The following RNGTT variants were observed in gnomAD, a reference collection of about 807,000 sequenced individuals.
RNGTT encodes the protein mRNA-capping enzyme.
Under a neutral mutation model 79.3 loss-of-function variants are expected in RNGTT, and 33 were observed. The ratio of observed to expected loss-of-function variants is 0.42; its 90% CI spans 0.32 to 0.56. The LOEUF (loss-of-function observed/expected upper bound fraction) is 0.56, where lower values mean the gene tolerates loss of function less well. Among genes scored for constraint, RNGTT ranks in the 20% least tolerant of loss-of-function variants. The probability of loss-of-function intolerance (pLI) is 0.17; values close to 1 mark genes in which losing one functional copy is unlikely to be tolerated. For missense variants in RNGTT, 497 were observed against 739.1 expected, an observed-to-expected ratio of 0.67 and a Z score of 3.80; for synonymous variants, 222 against 235.9, an observed-to-expected ratio of 0.94 and a Z score of 0.54.
At chr6:88,829,438 C>A (rs1780778544) in intron 11 of RNGTT, among the ~76,000 whole-genome samples, 1 of 152,066 alleles carries the variant, frequency 6.6e-6, no homozygotes, top group South Asian at 2.1e-4. Context: ...ATTGTAAAGA[C>A]CATCGACACT....
At chr6:88,654,919 A>C (rs534538699) in intron 14 of RNGTT, among the ~76,000 whole-genome samples, 34 of 152,380 alleles carry the variant, frequency 2.2e-4, no homozygotes, top group African/African-American at 7.2e-4. Context: ...CTCACATTAC[A>C]TGTATATAAA....
At chr6:88,851,912 G>A (rs933866683) in intron 9 of RNGTT, among the ~76,000 whole-genome samples, 1 of 151,628 alleles carries the variant, frequency 6.6e-6, no homozygotes, top group Admixed American at 6.6e-5. Context: ...CCAAGTTTGA[G>A]GTGAAATAAA....
At chr6:88,767,704 A>AC (rs1562242179) in intron 13 of RNGTT, among the ~76,000 whole-genome samples, 2 of 128,374 alleles carry the variant, frequency 1.6e-5, no homozygotes, top group African/African-American at 2.9e-5. Context: ...AAAAAAAAAA[A>AC]CAGCGTAGCC....
intron 13 of RNGTT, among the ~76,000 whole-genome samples, chr6:88,759,240 G>A (rs541066517): frequency 6.6e-6 from 1 of 152,286 alleles, no homozygotes; most frequent in East Asian, 1.9e-4. Flanking sequence ...GTTGGCTCCT[G>A]CATCCTTTCG....
At chr6:88,699,914 G>A (rs1358631024) in intron 13 of RNGTT, among the ~76,000 whole-genome samples, 2 of 152,188 alleles carry the variant, frequency 1.3e-5, no homozygotes, top group Non-Finnish European at 2.9e-5. Flanking sequence ...GGGTGAAGAA[G>A]AGAGAGGAAT....
chr6:88,898,501 C>T (rs189514284), intron 6 of RNGTT, among the ~76,000 whole-genome samples: 290 of 151,810 alleles, frequency 1.9e-3, no homozygotes, highest in Non-Finnish European at 2.9e-3. Context: ...TAATAGCCTG[C>T]TATTATTTTA....
intron 8 of RNGTT, among the ~76,000 whole-genome samples, chr6:88,863,591 T>C (rs984039492): frequency 6.6e-6 from 1 of 152,158 alleles, no homozygotes; most frequent in Non-Finnish European, 1.5e-5. Flanking sequence ...TTCAAGAAAG[T>C]CCCTTCAACC....
chr6:88,843,092 C>A (rs9362575), intron 11 of RNGTT, among the ~76,000 whole-genome samples: 2 of 147,834 alleles, frequency 1.4e-5, no homozygotes, highest in African/African-American at 2.5e-5. Flanking sequence ...CAAAACAAAA[C>A]AAAACAAAAA....
intron 8 of RNGTT, among the ~76,000 whole-genome samples, chr6:88,877,247 C>T (rs1782546696): frequency 6.6e-6 from 1 of 152,184 alleles, no homozygotes; most frequent in Non-Finnish European, 1.5e-5. Flanking sequence ...AACTAATATG[C>T]ATTGAGTGCT....
intron 14 of RNGTT, among the ~76,000 whole-genome samples, chr6:88,653,971 G>A (rs1582284002): frequency 6.6e-6 from 1 of 152,148 alleles, no homozygotes; most frequent in Non-Finnish European, 1.5e-5. Flanking sequence ...TGTCAATAAT[G>A]CTACCAAAAG....
intron 2 of RNGTT, among the ~76,000 whole-genome samples, chr6:88,935,768 C>T (rs1170284054): frequency 6.6e-6 from 1 of 152,046 alleles, no homozygotes; most frequent in African/African-American, 2.4e-5. Context: ...GTTTTCCTTG[C>T]AGAGATCTTT....
At chr6:88,617,131 G>A (rs1023139897) in intron 14 of RNGTT, among the ~76,000 whole-genome samples, 14 of 152,264 alleles carry the variant, frequency 9.2e-5, no homozygotes, top group South Asian at 2.1e-4. Context: ...TTAGCCGGGC[G>A]TGGTGGCAGG....
At chr6:88,953,270 A>G (rs1057058371) in intron 1 of RNGTT, among the ~76,000 whole-genome samples, 1 of 152,204 alleles carries the variant, frequency 6.6e-6, no homozygotes, top group African/African-American at 2.4e-5. Flanking sequence ...AGAGATCATA[A>G]AGAAAAAACA....
intron 1 of RNGTT, among the ~76,000 whole-genome samples, chr6:88,944,129 CAAAAG>C (rs71793045): frequency 0.046 from 7,026 of 152,200 alleles, 225 homozygotes; most frequent in East Asian, 0.096. Context: ...AAGAAAAAAA[CAAAAG>C]AAGCCATAAT....
intron 13 of RNGTT, among the ~76,000 whole-genome samples, chr6:88,698,595 C>A (rs1290984708): frequency 6.6e-6 from 1 of 151,654 alleles, no homozygotes; most frequent in Non-Finnish European, 1.5e-5. Context: ...TCAGCTATTA[C>A]AATTTATTTT....
chr6:88,820,326 A>C (rs1378560530), intron 11 of RNGTT, among the ~76,000 whole-genome samples: 1 of 152,222 alleles, frequency 6.6e-6, no homozygotes, highest in Non-Finnish European at 1.5e-5. Flanking sequence ...TGTTTGGCTA[A>C]TATGAGAGGA....
chr6:88,762,289 C>G (rs1475231432), intron 13 of RNGTT, among the ~76,000 whole-genome samples: 1 of 152,134 alleles, frequency 6.6e-6, no homozygotes, highest in Non-Finnish European at 1.5e-5. Flanking sequence ...GGTCATTATG[C>G]TAGGAAAGGC....
At chr6:88,951,281 A>T (rs1429936748) in intron 1 of RNGTT, among the ~76,000 whole-genome samples, 1 of 152,210 alleles carries the variant, frequency 6.6e-6, no homozygotes, top group Non-Finnish European at 1.5e-5. Flanking sequence ...CTGATATGGA[A>T]TCTAGCCCCA....
rs572839296 is a variant in RNGTT at position 88,641,359 on chromosome 6, A to AT, written c.1507-26965dup. Among the ~76,000 whole-genome samples, 1,079 of 145,772 alleles carry AT rather than the reference A, an allele frequency of 7.4e-3. 146 individuals are homozygous for AT. The highest frequency in any genetic ancestry group is 0.025 in the South Asian group (113 of 4,538). On this transcript the variant is annotated intron_variant, in intron 14 of 15. Transcript: ENST00000369485. ...GTCTTAAAAAAAAAAAAAAAAAAAA[A>AT]TAACCATGGTGAAGCTGAAATATAC...
Sources: gnomAD v4.1 joint callset for allele counts (sites outside exome capture counted in the v4.1 genomes callset) on GRCh38, gnomAD v4.1.1 for gene constraint, MANE v1.5 for transcripts, NCBI Gene and HGNC (gene_info 2026-07-23, HGNC 2026-07-21) for gene names.